The following ZC3H12B variants were observed in gnomAD, a reference collection of about 807,000 sequenced individuals.
The protein encoded by ZC3H12B is zinc finger CCCH-type containing 12B, also known as probable ribonuclease ZC3H12B.
ZC3H12B carries 7 observed loss-of-function variants against 43.9 expected under a neutral mutation model. That is an observed-to-expected ratio of 0.16 (90% CI 0.09 to 0.30). The LOEUF (loss-of-function observed/expected upper bound fraction) is 0.30, where lower values mean the gene tolerates loss of function less well. Ranked by LOEUF, ZC3H12B falls within the 10% of genes least tolerant of loss-of-function variation. The probability of loss-of-function intolerance (pLI) is 1.00; values close to 1 mark genes in which losing one functional copy is unlikely to be tolerated. For synonymous variants in ZC3H12B, 222 were observed against 241.7 expected (o/e 0.92, Z 0.76); for missense variants, 475 against 670.2 (o/e 0.71, Z 3.22).
chrX:65,213,002 T>A, the ZC3H12B span, among the ~76,000 whole-genome samples: 1 of 108,460 alleles, frequency 9.2e-6, no homozygotes, highest in Non-Finnish European at 1.9e-5. Flanking sequence ...TTTTCTTGGT[T>A]TTTGAATTTT....
upstream of ZC3H12B, among the ~76,000 whole-genome samples, chrX:65,484,854 C>T (rs2068105470): frequency 8.9e-6 from 1 of 112,060 alleles, no homozygotes; most frequent in Admixed American, 9.5e-5. Flanking sequence ...GAAGACTAAT[C>T]TTGGAAAATT....
At chrX:65,423,966 T>C (rs757868912) in intron 3 of ZC3H12B, among the ~76,000 whole-genome samples, 4 of 112,081 alleles carry the variant, frequency 3.6e-5, no homozygotes, top group Non-Finnish European at 7.5e-5. Flanking sequence ...GTTTGTTGAG[T>C]ATTTTTAGTA....
chrX:65,063,672 A>C, the ZC3H12B span, among the ~76,000 whole-genome samples: 2 of 112,337 alleles, frequency 1.8e-5, no homozygotes, highest in Non-Finnish European at 3.8e-5. Context: ...TTGGCCTCAT[A>C]CAGTGAGTTA....
the ZC3H12B span, among the ~76,000 whole-genome samples, chrX:65,112,061 G>T: frequency 8.9e-6 from 1 of 112,277 alleles, no homozygotes; most frequent in South Asian, 3.6e-4. Flanking sequence ...GTTCTTTAAA[G>T]AAATTAAAAG....
chrX:65,234,349 G>A, the ZC3H12B span, among the ~76,000 whole-genome samples: 2 of 111,677 alleles, frequency 1.8e-5, no homozygotes, highest in African/African-American at 6.5e-5. Context: ...TGGTACAGAA[G>A]GAACATACCA....
intron 3 of ZC3H12B, among the ~76,000 whole-genome samples, chrX:65,421,538 T>A (rs1790434735): frequency 9.0e-6 from 1 of 110,572 alleles, no homozygotes; most frequent in Non-Finnish European, 1.9e-5. Flanking sequence ...CACAAACAGA[T>A]TTGCCTTCCC....
chrX:65,098,547 C>T, the ZC3H12B span, among the ~76,000 whole-genome samples: 1 of 109,454 alleles, frequency 9.1e-6, no homozygotes, highest in African/African-American at 3.3e-5. Flanking sequence ...CTGACGTACC[C>T]TGTTCATCTC....
At chrX:65,501,596 A>C (rs185964479) in intron 4 of ZC3H12B, among the ~76,000 whole-genome samples, 193 bp from the exon 10 acceptor site, 17 of 110,251 alleles carry the variant, frequency 1.5e-4, no homozygotes, top group African/African-American at 4.9e-4. Flanking sequence ...ATAGCTTTCC[A>C]CTTTCTCTCT....
intron 2 of ZC3H12B, among the ~76,000 whole-genome samples, chrX:65,385,511 G>T (rs766125909): frequency 8.9e-6 from 1 of 112,193 alleles, no homozygotes; most frequent in Non-Finnish European, 1.9e-5. Flanking sequence ...TATTATGAGA[G>T]TTTGCTGAAG....
At chrX:65,207,190 A>T in the ZC3H12B span, among the ~76,000 whole-genome samples, 1 of 107,855 alleles carries the variant, frequency 9.3e-6, no homozygotes, top group Non-Finnish European at 1.9e-5. Flanking sequence ...TCATTATACA[A>T]AAAAGGTACT....
chrX:65,121,013 G>T, the ZC3H12B span, among the ~76,000 whole-genome samples: 2 of 111,195 alleles, frequency 1.8e-5, no homozygotes, highest in African/African-American at 6.5e-5. Context: ...CTTGATCATG[G>T]TGGATAAGCT....
chrX:65,446,415 C>A (rs2067377098), intron 3 of ZC3H12B, among the ~76,000 whole-genome samples: 1 of 111,663 alleles, frequency 9.0e-6, no homozygotes, highest in South Asian at 3.7e-4. Context: ...AGCACCAGGA[C>A]TTCTCCAGGA....
chrX:65,440,526 T>G (rs2067288067), intron 3 of ZC3H12B, among the ~76,000 whole-genome samples: 2 of 112,290 alleles, frequency 1.8e-5, no homozygotes, highest in Admixed American at 1.9e-4. Context: ...AATAAGAAGC[T>G]TTACCATTAC....
At chrX:65,445,657 C>G (rs1439080495) in intron 3 of ZC3H12B, among the ~76,000 whole-genome samples, 1 of 112,115 alleles carries the variant, frequency 8.9e-6, no homozygotes, top group Admixed American at 9.5e-5. Context: ...TGTCTGGCTA[C>G]CACTGATTTT....
chrX:65,352,996 C>T, the ZC3H12B span, among the ~76,000 whole-genome samples: 2 of 109,842 alleles, frequency 1.8e-5, no homozygotes, highest in African/African-American at 3.3e-5. Context: ...TACAGGTGCG[C>T]GCCTCCACGC....
rs762485777 is a variant in ZC3H12B at position 65,449,875 on chromosome X, A to C, written n.408-38771A>C. Among the ~76,000 whole-genome samples, 22 of 111,215 alleles carry C rather than the reference A, an allele frequency of 2.0e-4. No individual in the cohort carries two copies. The Admixed American group carries it at 2.0e-3, about 10-fold the overall frequency. On this transcript the variant is annotated intron_variant and non_coding_transcript_variant, in intron 3 of 5. Transcript: ENST00000617377. ...GAAGCATGAGGGTAAGAGGGGACTA[A>C]CAGATAAAAAACTATATGTTGGGTT...
intron 3 of ZC3H12B, among the ~76,000 whole-genome samples, chrX:65,409,069 T>G (rs2066871684): frequency 9.0e-6 from 1 of 111,695 alleles, no homozygotes; most frequent in Non-Finnish European, 1.9e-5. Context: ...ACTACTTAGT[T>G]TCATAGGCTT....
chrX:65,448,245 G>C (rs755464300), intron 3 of ZC3H12B, among the ~76,000 whole-genome samples: 26 of 110,128 alleles, frequency 2.4e-4, no homozygotes, highest in Non-Finnish European at 4.4e-4. Context: ...AAAAAAAAAA[G>C]ATGTTGGCAT....
chrX:65,253,119 G>T, the ZC3H12B span, among the ~76,000 whole-genome samples: 1 of 112,011 alleles, frequency 8.9e-6, no homozygotes, highest in African/African-American at 3.2e-5. Context: ...ATGCAGCCAG[G>T]AGGAACATCT....
Sources: gnomAD v4.1 joint callset for allele counts (sites outside exome capture counted in the v4.1 genomes callset) on GRCh38, gnomAD v4.1.1 for gene constraint, MANE v1.5 for transcripts, NCBI Gene and HGNC (gene_info 2026-07-23, HGNC 2026-07-21) for gene names.